The following PEX3 variants were observed in gnomAD, a reference collection of about 807,000 sequenced individuals.
PEX3 encodes peroxin-3.
PEX3 carries 30 observed loss-of-function variants against 55.8 expected under a neutral mutation model. That is an observed-to-expected ratio of 0.54 (90% CI 0.40 to 0.73). The LOEUF (loss-of-function observed/expected upper bound fraction) is 0.73. PEX3 is among the 30% of genes least tolerant of loss of function. The probability of loss-of-function intolerance (pLI) is 0.00; values close to 1 mark genes in which losing one functional copy is unlikely to be tolerated. For missense variants in PEX3, 351 were observed against 432.8 expected, an observed-to-expected ratio of 0.81 and a Z score of 1.68; for synonymous variants, 135 against 148.4, an observed-to-expected ratio of 0.91 and a Z score of 0.66.
rs1049583661 is a variant in PEX3 at position 143,471,779 on chromosome 6, A to G, written c.578+168A>G. Among the ~76,000 whole-genome samples, 5 of 143,950 alleles carry G rather than the reference A, an allele frequency of 3.5e-5. No homozygotes were observed. Among genetic ancestry groups the G allele is most frequent in the Admixed American group, 1.4e-4 (2 of 14,676 alleles). 94.4% of individuals were successfully genotyped at this position (143,950 alleles called of 152,430 possible). A position where few individuals can be genotyped will look rare whatever the true frequency, so the allele number is the denominator to read the frequency against. On this transcript the variant is annotated intron_variant, in intron 7 of 11. Coordinates refer to ENST00000367591, the MANE Select transcript of PEX3 (RefSeq NM_003630.3). This position sits in a 1 kb window ranked among gnomAD's most constrained non-coding sequence, Gnocchi z 5.4. ...TTGCATTGTGGGATCCATTTTCTTTATCTTTTTTTTTATACAGAGGGGAAA... is the reference window on the plus strand; with the variant it reads ...TTGCATTGTGGGATCCATTTTCTTTGTCTTTTTTTTTATACAGAGGGGAAA...
At chr6:143,468,724 C>T (rs10782289) in intron 4 of PEX3, among the ~76,000 whole-genome samples, 31,834 of 149,366 alleles carry the variant, frequency 0.21, 3,503 homozygotes, top group Non-Finnish European at 0.22. Flanking sequence ...AGGTTTGTTA[C>T]ATATGTATAC....
Position 143,471,303 on chromosome 6 carries a change from C to A in PEX3, c.457-80C>A. 1 of 1,218,416 alleles carries A rather than the reference C, an allele frequency of 8.2e-7. No homozygotes were observed. Among genetic ancestry groups the A allele is most frequent in the Non-Finnish European group, 1.2e-6 (1 of 828,974 alleles). 75.5% of individuals were successfully genotyped at this position (1,218,416 alleles called of 1,614,324 possible). A position where few individuals can be genotyped will look rare whatever the true frequency, so the allele number is the denominator to read the frequency against. ...CGTCATTTCAGATCTTGAAAAATCTCAGCCAAAGTTTTATTGAAAACATTT... is the reference window on the plus strand; with the variant it reads ...CGTCATTTCAGATCTTGAAAAATCTAAGCCAAAGTTTTATTGAAAACATTT... On this transcript the variant is annotated intron_variant, in intron 5 of 11. Transcript: ENST00000367591. This position sits in a 1 kb window ranked among gnomAD's most constrained non-coding sequence, Gnocchi z 5.4.
chr6:143,464,235 A>G lies in PEX3; in HGVS notation c.287+1238A>G, dbSNP rs1779962210. On this transcript the variant is annotated intron_variant, in intron 3 of 11. Transcript: ENST00000367591. This position sits in a 1 kb window ranked among gnomAD's most constrained non-coding sequence, Gnocchi z 5.8. The stretch of plus-strand genomic sequence containing the variant: ...CTTTTTGTCATGATGAGAAGGCAAG[A>G]CAAGTTAAATAAGTGAATAGCATTT... 1.3e-5 allele frequency among the ~76,000 whole-genome samples: 2 copies of G among 152,264 alleles called. No homozygotes were observed. The highest frequency in any genetic ancestry group is 3.4e-3 in the Middle Eastern group (1 of 294).
chr6:143,485,892 A>G lies in PEX3; in HGVS notation c.1038+644A>G, dbSNP rs1780317110. On this transcript the variant is annotated intron_variant, in intron 11 of 11. Coordinates refer to ENST00000367591, the MANE Select transcript of PEX3 (RefSeq NM_003630.3). The surrounding 1 kb of genome is among the most constrained non-coding windows in gnomAD (Gnocchi z 5.6). The stretch of plus-strand genomic sequence containing the variant: ...CATGTGCAAACTTGGAAACTGTGTT[A>G]TAAGTTAAAAAATTGTTTGCAATGC... Among the ~76,000 whole-genome samples the G allele has an allele frequency of 6.6e-6, 1 of 152,144 alleles. No homozygotes were observed. Among genetic ancestry groups the G allele is most frequent in the Admixed American group, 6.6e-5 (1 of 15,260 alleles).
At chr6:143,470,673 T>A (rs1243345179) in intron 4 of PEX3, among the ~76,000 whole-genome samples, 1 of 152,206 alleles carries the variant, frequency 6.6e-6, no homozygotes, top group Non-Finnish European at 1.5e-5. Context: ...CTACAATTCT[T>A]TGTGCTTCCC....
chr6:143,464,722 G>A lies in PEX3; in HGVS notation c.287+1725G>A, dbSNP rs112536898. ...ATTTGTAATTTGGTGGGGGGAGAAG[G>A]GTAATATCCATTTGAAAAATATTTG... On this transcript the variant is annotated intron_variant, in intron 3 of 11. Coordinates refer to ENST00000367591, the MANE Select transcript of PEX3 (RefSeq NM_003630.3). The surrounding 1 kb of genome is among the most constrained non-coding windows in gnomAD (Gnocchi z 5.8). 0.013 allele frequency among the ~76,000 whole-genome samples: 1,935 copies of A among 151,568 alleles called. 31 individuals are homozygous for A. The highest frequency in any genetic ancestry group is 0.044 in the African/African-American group (1,824 of 41,386).
intron 4 of PEX3, 115 bp from the exon 5 acceptor site, chr6:143,470,846 C>T: frequency 1.3e-6 from 1 of 777,030 alleles, no homozygotes; most frequent in South Asian, 1.6e-5. Context: ...ATACTAGAAA[C>T]AGTTGTAAAT....
rs144742126 is a variant in PEX3 at position 143,464,009 on chromosome 6, G to A, written c.287+1012G>A. Among the ~76,000 whole-genome samples, 86 of 152,168 alleles carry A rather than the reference G, an allele frequency of 5.7e-4. 2 individuals are homozygous for A. The East Asian group carries it at 0.011, about 19-fold the overall frequency. ...CTGATTAAAACAGAATGCTAGTGAT[G>A]GGGGTTTTCCATTTTAAATTTCTTC... On this transcript the variant is annotated intron_variant, in intron 3 of 11. Transcript: ENST00000367591. This position sits in a 1 kb window ranked among gnomAD's most constrained non-coding sequence, Gnocchi z 5.8.
intron 9 of PEX3, among the ~76,000 whole-genome samples, chr6:143,477,943 A>G (rs1780176488): frequency 6.6e-6 from 1 of 152,176 alleles, no homozygotes; most frequent in Non-Finnish European, 1.5e-5. Flanking sequence ...ACCAAAAAGA[A>G]TGAAAACATC....
chr6:143,485,207 A>G lies in PEX3; in HGVS notation c.997A>G (p.Ile333Val). Residue 333 changes from isoleucine to valine, a missense_variant, in exon 11 of 12, where the codon ATC (isoleucine) becomes GTC (valine). Transcript: ENST00000367591. The surrounding 1 kb of genome is among the most constrained non-coding windows in gnomAD (Gnocchi z 5.6). The part of the protein sequence containing the change: ...AKIIPIVNGQ[I>V]HSVCSETPSH... ...GATAATTCCAATAGTAAACGGACAG[A>G]TCCATTCAGTTTGCAGTGAAACACC... is the stretch of plus-strand genomic sequence containing the variant. 1 of 1,608,412 alleles carries G rather than the reference A, an allele frequency of 6.2e-7. No individual in the cohort carries two copies.
At position 143,459,644 on chromosome 6, in the gene PEX3, C is replaced by G. The variant is rs530908941; in HGVS notation, c.205+428C>G. Among the ~76,000 whole-genome samples, 1 of 152,166 alleles carries G rather than the reference C, an allele frequency of 6.6e-6. No homozygotes were observed. Among genetic ancestry groups the G allele is most frequent in the East Asian group, 1.9e-4 (1 of 5,160 alleles). On this transcript the variant is annotated intron_variant, in intron 2 of 11. Coordinates refer to ENST00000367591, the MANE Select transcript of PEX3 (RefSeq NM_003630.3). This position sits in a 1 kb window ranked among gnomAD's most constrained non-coding sequence, Gnocchi z 4.2. ...CTTTGAGGTAACATTTGAGCAGAAACCAAATGTTACAATGGAGGGAGCCAT... is the reference window on the plus strand; with the variant it reads ...CTTTGAGGTAACATTTGAGCAGAAAGCAAATGTTACAATGGAGGGAGCCAT...
In PEX3 at chr6:143,485,946, A is replaced by G. The variant is rs1477421595; in HGVS notation, c.1038+698A>G. Among the ~76,000 whole-genome samples, 2 of 152,162 alleles carry G rather than the reference A, an allele frequency of 1.3e-5. No individual in the cohort carries two copies. The highest frequency in any genetic ancestry group is 2.9e-5 in the Non-Finnish European group (2 of 68,008). ...TTGCAAACTGCTTCAATAATGTACA[A>G]TGAGAAGAGACCCTATGGCCTAAGC... On this transcript the variant is annotated intron_variant, in intron 11 of 11. Transcript: ENST00000367591. The surrounding 1 kb of genome is among the most constrained non-coding windows in gnomAD (Gnocchi z 5.6).
intron 9 of PEX3, among the ~76,000 whole-genome samples, chr6:143,478,111 T>C (rs1482647639): frequency 6.6e-6 from 1 of 152,108 alleles, no homozygotes; most frequent in Non-Finnish European, 1.5e-5. Context: ...AAACCACTGA[T>C]ACATGCTACA....
chr6:143,483,223 G>T lies in PEX3; in HGVS notation c.942-1929G>T, dbSNP rs749578055. 8.5e-5 allele frequency among the ~76,000 whole-genome samples: 13 copies of T among 152,142 alleles called. No homozygotes were observed. Among genetic ancestry groups the T allele is most frequent in the Admixed American group, 2.6e-4 (4 of 15,256 alleles). The stretch of plus-strand genomic sequence containing the variant: ...CTAAGATTTATTGAACACGTGTTAT[G>T]AATCAGGCACTGTATTAGGTTTCTG... On this transcript the variant is annotated intron_variant, in intron 10 of 11. Coordinates refer to ENST00000367591, the MANE Select transcript of PEX3 (RefSeq NM_003630.3). The surrounding 1 kb of genome is among the most constrained non-coding windows in gnomAD (Gnocchi z 4.3).
At position 143,454,757 on chromosome 6, in the gene PEX3, G is replaced by T. The variant is rs917093872; in HGVS notation, c.73+3642G>T. On this transcript the variant is annotated intron_variant, in intron 1 of 11. Transcript: ENST00000367591. This position sits in a 1 kb window ranked among gnomAD's most constrained non-coding sequence, Gnocchi z 4.3. ...ATAAGGAAGAATTTCTGCTTAAGTTGTAGAGCTAGCAAAGGAGAAAGGACA... is the reference window on the plus strand; with the variant it reads ...ATAAGGAAGAATTTCTGCTTAAGTTTTAGAGCTAGCAAAGGAGAAAGGACA... Among the ~76,000 whole-genome samples, 3 of 152,196 alleles carry T rather than the reference G, an allele frequency of 2.0e-5. No individual in the cohort carries two copies. The highest frequency in any genetic ancestry group is 6.5e-5 in the Admixed American group (1 of 15,284).
At position 143,475,157 on chromosome 6, in the gene PEX3, G is replaced by A. The variant is rs1780135561; in HGVS notation, c.818+301G>A. ...GATTTCCACCTCATCATTTCATGAA[G>A]CTCTGGAGAAGGTCATCAGTGATCT... On this transcript the variant is annotated intron_variant, in intron 9 of 11. Transcript: ENST00000367591. This position sits in a 1 kb window ranked among gnomAD's most constrained non-coding sequence, Gnocchi z 4.4. Among the ~76,000 whole-genome samples the A allele has an allele frequency of 6.6e-6, 1 of 152,068 alleles. No individual in the cohort carries two copies. Among genetic ancestry groups the A allele is most frequent in the Non-Finnish European group, 1.5e-5 (1 of 68,014 alleles).
At chr6:143,456,193 G>A (rs892485340) in intron 1 of PEX3, among the ~76,000 whole-genome samples, 1 of 152,154 alleles carries the variant, frequency 6.6e-6, no homozygotes, top group African/African-American at 2.4e-5. Flanking sequence ...CACAGAGGGA[G>A]GAAGGGACTT....
At chr6:143,480,647 T>C (rs538999049) in intron 10 of PEX3, among the ~76,000 whole-genome samples, 2 of 152,314 alleles carry the variant, frequency 1.3e-5, no homozygotes, top group Admixed American at 6.5e-5. Context: ...TGCTCCATGA[T>C]TGAACCCTAG....
chr6:143,460,929 A>G (rs1322042274), intron 2 of PEX3, among the ~76,000 whole-genome samples: 1 of 151,950 alleles, frequency 6.6e-6, no homozygotes, highest in Non-Finnish European at 1.5e-5. Flanking sequence ...GCAGTTTGAC[A>G]TGGACCCTTG....
Sources: gnomAD v4.1 joint callset for allele counts (sites outside exome capture counted in the v4.1 genomes callset) on GRCh38, gnomAD v4.1.1 for gene constraint, Gnocchi (gnomAD v3.1) non-coding constraint, MANE v1.5 for transcripts, NCBI Gene and HGNC (gene_info 2026-07-23, HGNC 2026-07-21) for gene names.